GRIN1: variants seen among roughly 807,000 people sequenced by gnomAD.
The protein encoded by GRIN1 is glutamate ionotropic receptor NMDA type subunit 1, also known as glutamate receptor ionotropic, NMDA 1.
In GRIN1, 38 loss-of-function variants were observed where a neutral mutation model predicts 103.0. That is an observed-to-expected ratio of 0.37 (90% CI 0.28 to 0.48). The LOEUF (loss-of-function observed/expected upper bound fraction) is 0.48, where lower values mean the gene tolerates loss of function less well. GRIN1 is among the 20% of genes least tolerant of loss of function. The probability of loss-of-function intolerance (pLI) is 0.98; values close to 1 mark genes in which losing one functional copy is unlikely to be tolerated. For missense variants in GRIN1, 577 were observed against 1,288.9 expected, an observed-to-expected ratio of 0.45 and a Z score of 8.46; for synonymous variants, 544 against 532.7, an observed-to-expected ratio of 1.02 and a Z score of -0.29.
chr9:137,153,560 A>C (rs930539393), intron 4 of GRIN1, among the ~76,000 whole-genome samples: 1 of 152,188 alleles, frequency 6.6e-6, no homozygotes, highest in Non-Finnish European at 1.5e-5. Flanking sequence ...CCATGCATAC[A>C]CCATACACAC....
chr9:137,156,927 C>T lies in GRIN1; in HGVS notation c.858C>T (p.Gly286=). The T allele has an allele frequency of 6.2e-7, 1 of 1,612,114 alleles. No individual in the cohort carries two copies. Among genetic ancestry groups the T allele is most frequent in the Middle Eastern group, 1.7e-4 (1 of 6,060 alleles). ...NESAHISDAV[G]VVAQAVHELL... ...CGGCCCACATCAGCGACGCCGTGGG[C>T]GTGGTGGCCCAGGCCGTGCACGAGC... The change falls in exon 6 of 20, where the codon GGC becomes GGT. Residue 286 remains glycine (G), a synonymous_variant. Transcript: ENST00000371561.
At chr9:137,162,351 G>A in intron 12 of GRIN1, 53 bp from the exon 13 acceptor site, 2 of 1,539,746 alleles carry the variant, frequency 1.3e-6, no homozygotes, top group Non-Finnish European at 1.7e-6. Flanking sequence ...GCCAGGGGCG[G>A]GGCAGGGCCG....
rs1326514421 is a variant in GRIN1, at chr9:137,161,191, G to A, written c.1333G>A (p.Gly445Ser). ...ICTGPNDTSPGSPRHTVPQCC... is the reference protein window; with the variant it reads ...ICTGPNDTSPSSPRHTVPQCC... The stretch of plus-strand genomic sequence containing the variant: ...CACCGGGCCCAACGACACGTCGCCG[G>A]GCAGCCGTGAGTGCGCGGGGCAGGG... Residue 445 changes from glycine (G) to serine (S), a missense_variant, in exon 9 of 20, where the codon GGC becomes AGC. Transcript: ENST00000371561. 24 of 1,609,880 alleles carry A rather than the reference G, an allele frequency of 1.5e-5. No individual in the cohort carries two copies. The highest frequency in any genetic ancestry group is 1.7e-5 in the Non-Finnish European group (20 of 1,178,738).
intron 4 of GRIN1, among the ~76,000 whole-genome samples, chr9:137,155,474 G>C (rs576779856): frequency 6.6e-6 from 1 of 152,344 alleles, no homozygotes; most frequent in African/African-American, 2.4e-5. Flanking sequence ...GCTTATTCTC[G>C]AGAAAACTGG....
chr9:137,165,578 T>A (rs1036481280), intron 19 of GRIN1, among the ~76,000 whole-genome samples: 1 of 152,122 alleles, frequency 6.6e-6, no homozygotes, highest in Admixed American at 6.5e-5. Flanking sequence ...AAGCCTGTCA[T>A]CTCGTTGGTC....
At chr9:137,142,510 G>A (rs376930454) in intron 2 of GRIN1, among the ~76,000 whole-genome samples, 8 of 152,184 alleles carry the variant, frequency 5.3e-5, no homozygotes, top group African/African-American at 1.7e-4. Flanking sequence ...GCACCCACAC[G>A]CTACACTGCT....
chr9:137,144,525 G>C (rs770871335), intron 2 of GRIN1, among the ~76,000 whole-genome samples: 3 of 152,038 alleles, frequency 2.0e-5, no homozygotes, highest in Non-Finnish European at 4.4e-5. Flanking sequence ...CGTGGTGGCG[G>C]GCGCCTGTAG....
At position 137,168,413 on chromosome 9, in the gene GRIN1, CCTCCAG is replaced by C; in HGVS notation, c.*887_*892del. On this transcript the variant is annotated 3_prime_UTR_variant, in exon 20 of 20. Coordinates refer to ENST00000371561, the MANE Select transcript of GRIN1 (RefSeq NM_007327.4). ...CGCCTCCCGCCGCCTCGGGCCGCCT[CCTCCAG>C]ACTCGAGAGGGCTGAGCCCCTCCTC... 5.1e-6 allele frequency: 1 copy of C among 196,136 alleles called. No homozygotes were observed. Among genetic ancestry groups the C allele is most frequent in the Non-Finnish European group, 1.0e-5 (1 of 98,154 alleles). 12.1% of individuals were successfully genotyped at this position (196,136 alleles called of 1,614,324 possible).
chr9:137,147,871 C>T (rs570164351), intron 3 of GRIN1, among the ~76,000 whole-genome samples: 21 of 152,310 alleles, frequency 1.4e-4, no homozygotes, highest in South Asian at 2.1e-4. Context: ...TCCCTCCGAA[C>T]GGTGGACGCG....
chr9:137,152,978 G>A (rs1832988620), intron 4 of GRIN1, among the ~76,000 whole-genome samples: 1 of 150,868 alleles, frequency 6.6e-6, no homozygotes, highest in African/African-American at 2.4e-5. Flanking sequence ...GCAAATGCAT[G>A]TACACACACC....
chr9:137,148,495 A>G (rs924960721), intron 3 of GRIN1, among the ~76,000 whole-genome samples: 4 of 152,242 alleles, frequency 2.6e-5, no homozygotes, highest in Admixed American at 2.6e-4. Context: ...CGAGACCCCA[A>G]GGGTTTCCTC....
At chr9:137,144,608 T>TCGCGCCAC (rs577341720) in intron 2 of GRIN1, among the ~76,000 whole-genome samples, 3 of 148,648 alleles carry the variant, frequency 2.0e-5, no homozygotes, top group African/African-American at 5.0e-5. Flanking sequence ...TGAGCCGAGA[T>TCGCGCCAC]TGCACTCCAG....
rs543160973 is a variant in GRIN1 at position 137,154,432 on chromosome 9, C to CTTTTTTTTTTT, written c.672-2208_672-2198dup. ...CAGCCACCACCCCCAGCTCCAACAA[C>CTTTTTTTTTTT]TTTTTTTTTTTTTTTTTTTTTTTTT... On this transcript the variant is annotated intron_variant, in intron 4 of 19. Transcript: ENST00000371561. Among the ~76,000 whole-genome samples, 2 of 42,960 alleles carry CTTTTTTTTTTT rather than the reference C, an allele frequency of 4.7e-5. 1 individual carries two copies. Among genetic ancestry groups the CTTTTTTTTTTT allele is most frequent in the African/African-American group, 1.9e-4 (2 of 10,586 alleles). The allele number at this position is 42,960 out of a possible 152,430, so 28.2% of individuals were successfully genotyped here. A position where few individuals can be genotyped will look rare whatever the true frequency, so the allele number is the denominator to read the frequency against.
chr9:137,150,100 C>T (rs1348593920), intron 4 of GRIN1, among the ~76,000 whole-genome samples: 1 of 152,186 alleles, frequency 6.6e-6, no homozygotes, highest in African/African-American at 2.4e-5. Context: ...TTACATGCTC[C>T]TCCTGCAGCT....
intron 6 of GRIN1, among the ~76,000 whole-genome samples, chr9:137,157,565 A>G (rs1833304796): frequency 6.6e-6 from 1 of 152,198 alleles, no homozygotes; most frequent in African/African-American, 2.4e-5. Flanking sequence ...GAAAGCTTCC[A>G]GGGACCCAGG....
Position 137,163,679 on chromosome 9 carries a change from C to T in GRIN1, c.2443+11C>T. 1 of 1,612,806 alleles carries T rather than the reference C, an allele frequency of 6.2e-7. No homozygotes were observed. The highest frequency in any genetic ancestry group is 8.5e-7 in the Non-Finnish European group (1 of 1,179,106). On this transcript the variant is annotated intron_variant, in intron 17 of 19. Coordinates refer to ENST00000371561, the MANE Select transcript of GRIN1 (RefSeq NM_007327.4). ...TTGAGAACATGGCCGGTGCGTTCTCCTTCATCCATTCTCGGGTGGGTTCTC... is the reference window on the plus strand; with the variant it reads ...TTGAGAACATGGCCGGTGCGTTCTCTTTCATCCATTCTCGGGTGGGTTCTC...
In GRIN1 at chr9:137,161,863, T is replaced by C. The variant is rs1449241516; in HGVS notation, c.1468-61T>C. On this transcript the variant is annotated intron_variant, in intron 10 of 19. Transcript: ENST00000371561. Reference sequence around the variant, plus strand: ...GCTCTAGGGCGGCTTCAGTCGGGGGTACCTGTGGCGGGAGCTGGGAGGACG... The same window carrying C: ...GCTCTAGGGCGGCTTCAGTCGGGGGCACCTGTGGCGGGAGCTGGGAGGACG... The C allele has an allele frequency of 5.2e-6, 8 of 1,525,078 alleles. No individual in the cohort carries two copies. In the Admixed American group the frequency reaches 5.9e-5, roughly 11 times the overall value. 94.5% of individuals were successfully genotyped at this position (1,525,078 alleles called of 1,614,324 possible).
At chr9:137,149,244 AC>A (rs1292398788) in intron 4 of GRIN1, 135 bp downstream of exon 4, 5 of 696,190 alleles carry the variant, frequency 7.2e-6, no homozygotes, top group Non-Finnish European at 1.3e-5. Flanking sequence ...AAGGACAGCC[AC>A]CCCCACCCCC....
At position 137,156,669 on chromosome 9, in the gene GRIN1, C is replaced by T; in HGVS notation, c.672C>T (p.Ser224=). 1 of 1,600,226 alleles carries T rather than the reference C, an allele frequency of 6.2e-7. No homozygotes were observed. The highest frequency in any genetic ancestry group is 1.1e-5 in the South Asian group (1 of 88,916). Residue 224 remains serine (S), a splice_region_variant and synonymous_variant, in exon 5 of 20, where the codon AGC becomes AGT. Coordinates refer to ENST00000371561, the MANE Select transcript of GRIN1 (RefSeq NM_007327.4). ...CCCGTCATCCCCGTCTGCCCCACAG[C>T]GAGGACGATGCTGCCACTGTATACC... ...LEARVIILSA[S]EDDAATVYRA...
Sources: allele counts gnomAD v4.1 joint callset (sites outside exome capture counted in the v4.1 genomes callset), GRCh38; gene constraint gnomAD v4.1.1; transcripts MANE v1.5; gene names NCBI Gene and HGNC (gene_info 2026-07-23, HGNC 2026-07-21).